MCTP2: variants seen among roughly 807,000 people sequenced by gnomAD.
MCTP2 encodes the protein multiple C2 and transmembrane domain containing 2, also known as multiple C2 and transmembrane domain-containing protein 2.
In MCTP2, 132 loss-of-function variants were observed where a neutral mutation model predicts 111.6. The observed-to-expected ratio is 1.18, with a 90% CI of 1.03 to 1.37. MCTP2 has a LOEUF of 1.37. MCTP2 is among the 40% of genes most tolerant of loss of function. The pLI is 0.00. For synonymous variants in MCTP2, 395 were observed against 387.7 expected, an observed-to-expected ratio of 1.02 and a Z score of -0.22; for missense variants, 1,183 against 1,067.9, an observed-to-expected ratio of 1.11 and a Z score of -1.50.
Position 94,261,431 on chromosome 15 carries a change from A to G in MCTP2, c.-66+29767A>G, listed in dbSNP as rs138958484. ...TAGGCAGCTGTGAGTCTTAGTGACA[A>G]CTCTACCATCAAAAACCAACCGGTG... On this transcript the variant is annotated intron_variant, in intron 1 of 22. Transcript: ENST00000357742. 6.9e-3 allele frequency among the ~76,000 whole-genome samples: 1,047 copies of G among 152,248 alleles called. 3 individuals are homozygous for G. The highest frequency in any genetic ancestry group is 0.024 in the African/African-American group (994 of 41,530).
intron 17 of MCTP2, 197 bp downstream of exon 17, chr15:94,402,216 C>G: frequency 1.1e-6 from 1 of 895,190 alleles, no homozygotes; most frequent in Non-Finnish European, 1.3e-6. Context: ...AAGAGCACTA[C>G]TGTTGTATAT....
At chr15:94,339,739 A>C (rs992328338) in intron 5 of MCTP2, among the ~76,000 whole-genome samples, 18 of 152,220 alleles carry the variant, frequency 1.2e-4, no homozygotes, top group African/African-American at 4.3e-4. Context: ...ATATCTTTAT[A>C]CTTAATAGAG....
At chr15:94,296,212 C>A (rs1221907405) in intron 1 of MCTP2, among the ~76,000 whole-genome samples, 2 of 152,154 alleles carry the variant, frequency 1.3e-5, no homozygotes, top group Non-Finnish European at 2.9e-5. Context: ...AAAATAGAAG[C>A]AATGCCTTTT....
At position 94,340,284 on chromosome 15, in the gene MCTP2, T is replaced by G. The variant is rs750054298; in HGVS notation, c.857+9T>G. 1.8e-5 allele frequency: 29 copies of G among 1,594,772 alleles called. No individual in the cohort carries two copies. The highest frequency in any genetic ancestry group is 2.4e-5 in the Non-Finnish European group (28 of 1,162,764). ...GATCTTGAGCTTAACAGGTACCGTATTTTTACATTTTAATTGTTATTGATG... is the reference window on the plus strand; with the variant it reads ...GATCTTGAGCTTAACAGGTACCGTAGTTTTACATTTTAATTGTTATTGATG... On this transcript the variant is annotated intron_variant, in intron 6 of 22. Transcript: ENST00000357742.
chr15:94,390,598 C>T (rs1444101777), intron 14 of MCTP2, among the ~76,000 whole-genome samples: 1 of 152,060 alleles, frequency 6.6e-6, no homozygotes, highest in Non-Finnish European at 1.5e-5. Context: ...GGACCCATTT[C>T]AGAAGACTGA....
intron 2 of MCTP2, among the ~76,000 whole-genome samples, chr15:94,304,479 T>C (rs1270094714): frequency 6.6e-6 from 1 of 152,202 alleles, no homozygotes; most frequent in African/African-American, 2.4e-5. Flanking sequence ...TAATGTTCTT[T>C]TGATGTAAAC....
intron 21 of MCTP2, among the ~76,000 whole-genome samples, chr15:94,474,232 A>G (rs1275603142): frequency 6.6e-6 from 1 of 152,206 alleles, no homozygotes; most frequent in Non-Finnish European, 1.5e-5. Context: ...TGTCTGCATC[A>G]TCATAGTTGG....
intron 1 of MCTP2, among the ~76,000 whole-genome samples, chr15:94,267,409 G>A (rs2073602669): frequency 6.6e-6 from 1 of 152,034 alleles, no homozygotes; most frequent in African/African-American, 2.4e-5. Context: ...CTTTTTGTTG[G>A]TGAGTAGTAT....
chr15:94,349,822 A>C (rs74874223), intron 8 of MCTP2, among the ~76,000 whole-genome samples: 3 of 151,356 alleles, frequency 2.0e-5, no homozygotes, highest in African/African-American at 7.3e-5. Context: ...TCTGTCTGAA[A>C]AAAAAAAAAA....
intron 1 of MCTP2, among the ~76,000 whole-genome samples, chr15:94,263,754 T>C (rs1219218434): frequency 6.6e-6 from 1 of 152,252 alleles, no homozygotes; most frequent in African/African-American, 2.4e-5. Context: ...TTCAGCCTCC[T>C]CTGGGAATAT....
At chr15:94,411,182 G>A (rs1054040490) in intron 17 of MCTP2, among the ~76,000 whole-genome samples, 32 of 152,116 alleles carry the variant, frequency 2.1e-4, no homozygotes, top group African/African-American at 7.2e-4. Context: ...AGAAATAGGG[G>A]GACCTGGTGT....
chr15:94,356,368 C>G, intron 9 of MCTP2, 67 bp downstream of exon 9: 8 of 1,380,442 alleles, frequency 5.8e-6, no homozygotes, highest in Non-Finnish European at 7.6e-6. Flanking sequence ...AAATTGTTTC[C>G]CACTTTAAAT....
At chr15:94,476,586 T>G in intron 21 of MCTP2, 110 bp from the exon 22 acceptor site, 1 of 701,888 alleles carries the variant, frequency 1.4e-6, no homozygotes, top group Non-Finnish European at 2.4e-6. Context: ...AGATGCTAGA[T>G]AGATAGATGA....
intron 16 of MCTP2, 123 bp downstream of exon 16, chr15:94,400,118 T>A: frequency 1.4e-6 from 1 of 726,524 alleles, no homozygotes; most frequent in Non-Finnish European, 2.3e-6. Flanking sequence ...CCTCTCTCCC[T>A]CTTGCCCCAT....
chr15:94,243,084 C>T lies in MCTP2; in HGVS notation c.-66+11420C>T, dbSNP rs367548011. Among the ~76,000 whole-genome samples the T allele has an allele frequency of 1.3e-3, 49 of 37,822 alleles. 8 individuals are homozygous for T. The highest frequency in any genetic ancestry group is 4.0e-3 in the African/African-American group (32 of 7,992). 24.8% of individuals were successfully genotyped at this position (37,822 alleles called of 152,430 possible). On this transcript the variant is annotated intron_variant, in intron 1 of 22. Coordinates refer to ENST00000357742, the MANE Select transcript of MCTP2 (RefSeq NM_001385001.1). ...ATACACGTGTATATGTGTATCTACA[C>T]ATATACGTGTATATGTGTATCTACG...
chr15:94,432,308 G>C (rs1395498864), intron 17 of MCTP2, among the ~76,000 whole-genome samples: 1 of 152,114 alleles, frequency 6.6e-6, no homozygotes, highest in Non-Finnish European at 1.5e-5. Context: ...TAATTTATAT[G>C]ATGGCAAATA....
At position 94,412,740 on chromosome 15, in the gene MCTP2, G is replaced by C. The variant is rs78424344; in HGVS notation, c.2085+10721G>C. On this transcript the variant is annotated intron_variant, in intron 17 of 22. Transcript: ENST00000357742. Reference sequence around the variant, plus strand: ...ATTTCTTCTGCTCTGGGTTAAGCTAGGTACATGCAATTATAAACATTTTGT... The same window carrying C: ...ATTTCTTCTGCTCTGGGTTAAGCTACGTACATGCAATTATAAACATTTTGT... Among the ~76,000 whole-genome samples, 36 of 151,926 alleles carry C rather than the reference G, an allele frequency of 2.4e-4. No homozygotes were observed. The East Asian group carries it at 5.8e-3, about 25-fold the overall frequency.
In MCTP2 at chr15:94,397,373, T is replaced by G. The variant is rs539406434; in HGVS notation, c.1789-1588T>G. ...GCCAACCCTTAAGAAATCATGGAAA[T>G]TTTAAGATAACAGTACAATGACTGT... On this transcript the variant is annotated intron_variant, in intron 14 of 22. Transcript: ENST00000357742. 3.3e-5 allele frequency among the ~76,000 whole-genome samples: 5 copies of G among 152,370 alleles called. 1 individual carries two copies. In the South Asian group the frequency reaches 1.0e-3, roughly 32 times the overall value.
chr15:94,295,039 T>C (rs2075206272), intron 1 of MCTP2, among the ~76,000 whole-genome samples: 1 of 133,378 alleles, frequency 7.5e-6, no homozygotes, highest in South Asian at 2.6e-4. Context: ...AACCTCCGCC[T>C]CCTCGGTTCA....
Sources: allele counts gnomAD v4.1 joint callset (sites outside exome capture counted in the v4.1 genomes callset), GRCh38; gene constraint gnomAD v4.1.1; transcripts MANE v1.5; gene names NCBI Gene and HGNC (gene_info 2026-07-23, HGNC 2026-07-21).